Variants in ZFHX4 observed in about 807,000 individuals in gnomAD.
The protein encoded by ZFHX4 is zinc finger homeobox protein 4.
A neutral mutation model predicts 267.6 loss-of-function variants in ZFHX4; 56 were observed. The observed-to-expected ratio is 0.21, with a 90% CI of 0.17 to 0.26. The LOEUF (loss-of-function observed/expected upper bound fraction) is 0.26. Among genes scored for constraint, ZFHX4 ranks in the 10% least tolerant of loss-of-function variants. The pLI is 1.00. For missense variants in ZFHX4, 4,332 were observed against 4,420.0 expected (o/e 0.98, Z 0.56); for synonymous variants, 1,778 against 1,665.6 (o/e 1.07, Z -1.64).
intron 3 of ZFHX4, among the ~76,000 whole-genome samples, chr8:76,768,074 G>A (rs1468974851): frequency 1.3e-5 from 2 of 152,120 alleles, no homozygotes; most frequent in African/African-American, 4.8e-5. Context: ...GCTTTAAAAT[G>A]GGTAAAATTG....
chr8:76,705,837 C>G lies in ZFHX4; in HGVS notation c.1749C>G (p.Asp583Glu). The G allele has an allele frequency of 6.2e-7, 1 of 1,613,928 alleles. No homozygotes were observed. Among genetic ancestry groups the G allele is most frequent in the Non-Finnish European group, 8.5e-7 (1 of 1,179,894 alleles). The change falls in exon 2 of 11, where the codon GAC (aspartate) becomes GAG (glutamate). Residue 583 changes from aspartate (D) to glutamate (E), a missense_variant. Physicochemically the swap from Asp to Glu is conservative, Grantham distance 45. Around this residue, in one of 7 missense-constraint regions of ZFHX4, gnomAD observed 1,195 missense variants for 1,173.6 expected, o/e 1.02. Coordinates refer to ENST00000651372, the MANE Select transcript of ZFHX4 (RefSeq NM_024721.5). ...HPSEIARGDE[D>E]SSATPHQHGF... ...GTGAAATAGCCCGGGGAGACGAAGACAGTTCAGCCACTCCTCACCAGCATG... is the reference window on the plus strand; with the variant it reads ...GTGAAATAGCCCGGGGAGACGAAGAGAGTTCAGCCACTCCTCACCAGCATG...
chr8:76,851,103 C>T lies in ZFHX4; in HGVS notation c.4182C>T (p.Val1394=), dbSNP rs761880550. 7 of 1,613,994 alleles carry T rather than the reference C, an allele frequency of 4.3e-6. No homozygotes were observed. Among genetic ancestry groups the T allele is most frequent in the South Asian group, 1.1e-5 (1 of 91,086 alleles). Residue 1394 remains valine (V), a synonymous_variant, in exon 10 of 11, where the codon GTC becomes GTT. Transcript: ENST00000651372. ...RQPLSVSDRH[V]YKYRCNHCSL... is the part of the protein sequence containing the mutation. ...CGCTCTCTGTTTCTGACCGTCATGTCTACAAGTATCGCTGTAACCATTGTA... is the reference window on the plus strand; with the variant it reads ...CGCTCTCTGTTTCTGACCGTCATGTTTACAAGTATCGCTGTAACCATTGTA...
At chr8:76,734,461 T>G (rs1809105685) in intron 3 of ZFHX4, among the ~76,000 whole-genome samples, 1 of 152,216 alleles carries the variant, frequency 6.6e-6, no homozygotes, top group African/African-American at 2.4e-5. Flanking sequence ...TATTTTTTTC[T>G]TTAGCGTAAT....
chr8:76,776,989 T>C (rs1225746222), intron 3 of ZFHX4, among the ~76,000 whole-genome samples: 2 of 152,150 alleles, frequency 1.3e-5, no homozygotes, highest in Non-Finnish European at 2.9e-5. Context: ...TTCTTTTTGT[T>C]TGTTTGAATT....
chr8:76,774,708 A>T (rs1456481697), intron 3 of ZFHX4, among the ~76,000 whole-genome samples: 2 of 152,146 alleles, frequency 1.3e-5, no homozygotes, highest in East Asian at 3.8e-4. Flanking sequence ...TCCTGACTTT[A>T]CATACATAAT....
intron 3 of ZFHX4, among the ~76,000 whole-genome samples, chr8:76,742,383 A>G (rs1376349645): frequency 6.6e-6 from 1 of 152,146 alleles, no homozygotes; most frequent in Non-Finnish European, 1.5e-5. Context: ...CAGCCATACA[A>G]CTGGACCTTT....
Position 76,852,022 on chromosome 8 carries a change from G to C in ZFHX4, c.5101G>C (p.Glu1701Gln). ...ACAAATTCAGATGCAACTACAGCAC[G>C]AATTACAACAGCAAGCCGCATTCTT... ...PAQIQMQLQHELQQQAAFFQP... is the reference protein window; with the variant it reads ...PAQIQMQLQHQLQQQAAFFQP... The change falls in exon 10 of 11, where the codon GAA (glutamate) becomes CAA (glutamine). Residue 1701 changes from glutamate (E) to glutamine (Q), a missense_variant. By Grantham distance (29) the Glu-to-Gln change is conservative. Transcript: ENST00000651372. 1 of 1,613,964 alleles carries C rather than the reference G, an allele frequency of 6.2e-7. No individual in the cohort carries two copies. The highest frequency in any genetic ancestry group is 8.5e-7 in the Non-Finnish European group (1 of 1,179,868).
At chr8:76,766,152 CTTG>C (rs1312113511) in intron 3 of ZFHX4, among the ~76,000 whole-genome samples, 1 of 151,526 alleles carries the variant, frequency 6.6e-6, no homozygotes, top group Admixed American at 6.6e-5. Context: ...TTTAAGAAAT[CTTG>C]TTGAACAAGT....
chr8:76,793,870 G>A (rs1221645577), intron 4 of ZFHX4, among the ~76,000 whole-genome samples: 1 of 151,996 alleles, frequency 6.6e-6, no homozygotes, highest in Non-Finnish European at 1.5e-5. Flanking sequence ...GACAAATATA[G>A]GTGATTCTTA....
intron 6 of ZFHX4, among the ~76,000 whole-genome samples, chr8:76,848,772 C>T (rs1812428032): frequency 6.6e-6 from 1 of 152,114 alleles, no homozygotes; most frequent in Non-Finnish European, 1.5e-5. Flanking sequence ...GTTATCTAAA[C>T]ATGAAACAGG....
At chr8:76,697,482 A>C (rs1463629253) in intron 1 of ZFHX4, among the ~76,000 whole-genome samples, 3 of 152,074 alleles carry the variant, frequency 2.0e-5, no homozygotes, top group Non-Finnish European at 2.9e-5. Context: ...TTAGTCAGTT[A>C]CATCTTAAAG....
chr8:76,682,172 AAGTTTGG>A (rs1178193683), intron 1 of ZFHX4, among the ~76,000 whole-genome samples: 1 of 151,484 alleles, frequency 6.6e-6, no homozygotes. Flanking sequence ...CATCCTCTGA[AAGTTTGG>A]ACGTTGGTCG....
intron 3 of ZFHX4, among the ~76,000 whole-genome samples, chr8:76,731,411 T>C (rs1809007433): frequency 2.6e-5 from 4 of 152,194 alleles, no homozygotes; most frequent in Admixed American, 2.0e-4. Flanking sequence ...GCCCATTGTC[T>C]GAGTCAAGAA....
rs1195708125 is a variant in ZFHX4, at chr8:76,835,245, A to ATATATGTATATATATATATATGTG, written c.3394+1844_3394+1845insGTATATATATATATATGTGTATAT. ...TATATATATATATATATATATGTAT[A>ATATATGTATATATATATATATGTG]TATATATATATATATTCATACATAT... On this transcript the variant is annotated intron_variant, in intron 5 of 10. Transcript: ENST00000651372. Among the ~76,000 whole-genome samples the ATATATGTATATATATATATATGTG allele has an allele frequency of 4.8e-3, 618 of 128,306 alleles. 8 individuals are homozygous for ATATATGTATATATATATATATGTG. The highest frequency in any genetic ancestry group is 7.9e-3 in the South Asian group (33 of 4,160). 84.2% of individuals were successfully genotyped at this position (128,306 alleles called of 152,430 possible).
At chr8:76,792,876 G>T (rs1810875365) in intron 4 of ZFHX4, among the ~76,000 whole-genome samples, 1 of 152,112 alleles carries the variant, frequency 6.6e-6, no homozygotes, top group Non-Finnish European at 1.5e-5. Flanking sequence ...TGAAAGGCCA[G>T]CTCTACATCA....
At chr8:76,794,873 T>TTTG (rs1554565460) in intron 4 of ZFHX4, among the ~76,000 whole-genome samples, 114 of 143,166 alleles carry the variant, frequency 8.0e-4, no homozygotes, top group African/African-American at 2.9e-3. Flanking sequence ...TGGCCTGTCA[T>TTTG]TGTGTGTGTG....
Position 76,863,701 on chromosome 8 carries a change from C to T in ZFHX4, c.9987C>T (p.Ser3329=). 1 of 1,578,752 alleles carries T rather than the reference C, an allele frequency of 6.3e-7. No homozygotes were observed. The highest frequency in any genetic ancestry group is 8.6e-7 in the Non-Finnish European group (1 of 1,161,752). Residue 3329 remains serine, a synonymous_variant, in exon 11 of 11, where the codon TCC becomes TCT. Coordinates refer to ENST00000651372, the MANE Select transcript of ZFHX4 (RefSeq NM_024721.5). The part of the protein sequence containing the change: ...YQQYQQNLQE[S]LQKQQKQQQE... ...AGTATCAGCAGAACCTGCAGGAGTC[C>T]CTGCAAAAGCAGCAAAAGCAACAGC...
Position 76,704,300 on chromosome 8 carries a change from C to A in ZFHX4, c.212C>A (p.Ala71Asp). The A allele has an allele frequency of 6.2e-7, 1 of 1,613,978 alleles. No individual in the cohort carries two copies. Among genetic ancestry groups the A allele is most frequent in the Admixed American group, 1.7e-5 (1 of 60,010 alleles). Reference protein sequence around the residue: ...LLGFSVENAAATQVTSAKEIP... With the variant: ...LLGFSVENAADTQVTSAKEIP... ...GGTTTCAGCGTTGAGAATGCAGCTG[C>A]CACTCAGGTTACCTCAGCAAAGGAG... The change falls in exon 2 of 11, where the codon GCC (alanine) becomes GAC (aspartate). Residue 71 changes from alanine to aspartate, a missense_variant. Around this residue, in one of 7 missense-constraint regions of ZFHX4, gnomAD observed 1,195 missense variants for 1,173.6 expected, o/e 1.02. Transcript: ENST00000651372.
chr8:76,701,106 G>A (rs928224857), intron 1 of ZFHX4, among the ~76,000 whole-genome samples: 9 of 152,076 alleles, frequency 5.9e-5, no homozygotes, highest in African/African-American at 1.9e-4. Context: ...CAGTGTCACT[G>A]TATATAAGGA....
Sources: gnomAD v4.1 joint callset for allele counts (sites outside exome capture counted in the v4.1 genomes callset) on GRCh38, gnomAD v4.1.1 for gene constraint, gnomAD v4.1.1 regional missense constraint, MANE v1.5 for transcripts, NCBI Gene and HGNC (gene_info 2026-07-23, HGNC 2026-07-21) for gene names.